Variants in NHEJ1 observed in about 807,000 individuals in gnomAD.
NHEJ1 encodes non-homologous end joining factor 1, also known as non-homologous end-joining factor 1.
NHEJ1 carries 22 observed loss-of-function variants against 39.4 expected under a neutral mutation model. The observed-to-expected ratio is 0.56, with a 90% confidence interval of 0.40 to 0.80. NHEJ1 has a LOEUF of 0.80. Ranked by LOEUF, NHEJ1 falls within the 30% of genes least tolerant of loss-of-function variation. The pLI, the probability that NHEJ1 is intolerant of heterozygous loss-of-function variation, is 0.00. For synonymous variants in NHEJ1, 154 were observed against 135.6 expected (o/e 1.14, Z -0.94); for missense variants, 329 against 357.1 (o/e 0.92, Z 0.63).
chr2:219,137,595 A>AAAAAAAAAAAAAAAAGAAAAAC (rs143557047), intron 5 of NHEJ1, among the ~76,000 whole-genome samples: 2 of 82,668 alleles, frequency 2.4e-5, no homozygotes, highest in Non-Finnish European at 6.1e-5. Context: ...AAAAAAAACA[A>AAAAAAAAAAAAAAAAGAAAAAC]AAAAAACTGA....
At chr2:219,085,601 C>T (rs1349226789) in intron 5 of NHEJ1, among the ~76,000 whole-genome samples, 3 of 152,184 alleles carry the variant, frequency 2.0e-5, no homozygotes, top group East Asian at 3.8e-4. Context: ...TATGATTAGC[C>T]TCCAGCTCCT....
chr2:219,084,925 C>T (rs983441848), intron 5 of NHEJ1, among the ~76,000 whole-genome samples: 5 of 152,240 alleles, frequency 3.3e-5, no homozygotes, highest in African/African-American at 9.6e-5. Context: ...TTGCTTCCAA[C>T]AACATTTTAG....
At chr2:219,089,304 T>C (rs906122259) in intron 5 of NHEJ1, among the ~76,000 whole-genome samples, 99 of 152,164 alleles carry the variant, frequency 6.5e-4, no homozygotes, top group Non-Finnish European at 1.0e-4. Context: ...ACAATAGCAT[T>C]ATTCATAAGA....
intron 5 of NHEJ1, among the ~76,000 whole-genome samples, chr2:219,087,582 G>A (rs768156305): frequency 2.0e-5 from 3 of 151,990 alleles, no homozygotes; most frequent in Non-Finnish European, 4.4e-5. Context: ...CCCCCATCCC[G>A]CCTGCTGCCT....
intron 5 of NHEJ1, among the ~76,000 whole-genome samples, chr2:219,124,423 A>G (rs1949497798): frequency 6.6e-6 from 1 of 151,934 alleles, no homozygotes; most frequent in Admixed American, 6.6e-5. Flanking sequence ...CCATTACTGC[A>G]CTGGCCCCTT....
chr2:219,084,007 CTTT>C (rs558515060), intron 5 of NHEJ1, among the ~76,000 whole-genome samples: 4 of 133,296 alleles, frequency 3.0e-5, no homozygotes, highest in Admixed American at 7.6e-5. Flanking sequence ...TCTTTCTTTG[CTTT>C]TTTTTTTTTT....
intron 5 of NHEJ1, among the ~76,000 whole-genome samples, chr2:219,115,729 G>A (rs1047483011): frequency 2.0e-5 from 3 of 152,126 alleles, no homozygotes; most frequent in East Asian, 1.9e-4. Context: ...AGTCCACTCC[G>A]ACAACTCATG....
At chr2:219,153,694 G>GCT (rs200816471) in intron 3 of NHEJ1, among the ~76,000 whole-genome samples, 1 of 67,216 alleles carries the variant, frequency 1.5e-5, no homozygotes, top group Non-Finnish European at 4.1e-5. Context: ...GAAAGAAAAG[G>GCT]GGGGGGGGGT....
In NHEJ1 at chr2:219,151,393, G is replaced by C. The variant is rs571647636; in HGVS notation, c.391-3598C>G. 7.9e-5 allele frequency among the ~76,000 whole-genome samples: 12 copies of C among 152,212 alleles called. No homozygotes were observed. The South Asian group carries it at 2.5e-3, about 32-fold the overall frequency. Reference sequence around the variant, plus strand: ...AATATTGTATAAAAACATGAAACATGACAAGGAACAGCTTTTAATTAATGT... The same window carrying C: ...AATATTGTATAAAAACATGAAACATCACAAGGAACAGCTTTTAATTAATGT... On this transcript the variant is annotated intron_variant, in intron 3 of 7. Coordinates refer to ENST00000356853, the MANE Select transcript of NHEJ1 (RefSeq NM_024782.3).
At chr2:219,086,417 C>T (rs984734643) in intron 5 of NHEJ1, among the ~76,000 whole-genome samples, 3 of 152,204 alleles carry the variant, frequency 2.0e-5, no homozygotes, top group African/African-American at 7.2e-5. Context: ...CCTCCTATCT[C>T]CTACCCCTGT....
chr2:219,127,467 T>C (rs1214926137), intron 5 of NHEJ1, among the ~76,000 whole-genome samples: 2 of 152,224 alleles, frequency 1.3e-5, no homozygotes, highest in Non-Finnish European at 2.9e-5. Context: ...TTTTCTTGAA[T>C]ATTATCCCCT....
At chr2:219,155,163 C>T (rs1204613813) in intron 3 of NHEJ1, among the ~76,000 whole-genome samples, 1 of 151,552 alleles carries the variant, frequency 6.6e-6, no homozygotes, top group African/African-American at 2.4e-5. Context: ...ATGAGATTAG[C>T]TATTGCTAGG....
At chr2:219,130,613 T>C (rs1949569243) in intron 5 of NHEJ1, among the ~76,000 whole-genome samples, 2 of 152,164 alleles carry the variant, frequency 1.3e-5, no homozygotes, top group African/African-American at 4.8e-5. Flanking sequence ...AACTTCCACA[T>C]CTCCCATTTA....
At chr2:219,107,643 T>TTC (rs1404613518) in intron 5 of NHEJ1, among the ~76,000 whole-genome samples, 53 of 152,166 alleles carry the variant, frequency 3.5e-4, no homozygotes, top group African/African-American at 1.0e-3. Context: ...TGGACCCCAC[T>TTC]TCTCTCTCTG....
intron 7 of NHEJ1, 125 bp downstream of exon 7, chr2:219,077,121 G>A: frequency 1.3e-6 from 1 of 757,272 alleles, no homozygotes; most frequent in African/African-American, 1.7e-5. Context: ...TTTGGAGCCT[G>A]GTCACAAATA....
At chr2:219,129,760 G>A (rs1422629303) in intron 5 of NHEJ1, among the ~76,000 whole-genome samples, 1 of 152,240 alleles carries the variant, frequency 6.6e-6, no homozygotes, top group Non-Finnish European at 1.5e-5. Context: ...AACGCCCTGC[G>A]CGGCCAGGGG....
In NHEJ1 at chr2:219,071,866, A is replaced by T. The variant is rs1948960228; in HGVS notation, c.*4515T>A. Reference sequence around the variant, plus strand: ...GATAGCAAAATCTGTTGGGCTCCAAATAGAGAAACTGAGTGGGGTGGGACT... The same window carrying T: ...GATAGCAAAATCTGTTGGGCTCCAATTAGAGAAACTGAGTGGGGTGGGACT... On this transcript the variant is annotated 3_prime_UTR_variant, in exon 8 of 8. Coordinates refer to ENST00000356853, the MANE Select transcript of NHEJ1 (RefSeq NM_024782.3). Among the ~76,000 whole-genome samples, 1 of 152,232 alleles carries T rather than the reference A, an allele frequency of 6.6e-6. No individual in the cohort carries two copies. Among genetic ancestry groups the T allele is most frequent in the African/African-American group, 2.4e-5 (1 of 41,454 alleles).
intron 5 of NHEJ1, among the ~76,000 whole-genome samples, chr2:219,128,756 G>A (rs1212059377): frequency 2.0e-5 from 3 of 152,094 alleles, no homozygotes; most frequent in African/African-American, 4.8e-5. Context: ...GCCAATGACC[G>A]GCCAGCCAGA....
At chr2:219,144,012 C>A (rs1417165786) in intron 5 of NHEJ1, among the ~76,000 whole-genome samples, 1 of 152,110 alleles carries the variant, frequency 6.6e-6, no homozygotes, top group East Asian at 1.9e-4. Context: ...ACCAGCCTGG[C>A]CAACATGGTA....
Sources: allele counts gnomAD v4.1 joint callset (sites outside exome capture counted in the v4.1 genomes callset), GRCh38; gene constraint gnomAD v4.1.1; transcripts MANE v1.5; gene names NCBI Gene and HGNC (gene_info 2026-07-23, HGNC 2026-07-21).